Variants in CFAP47 observed in about 807,000 individuals in gnomAD.
CFAP47 encodes cilia and flagella associated protein 47.
Under a neutral mutation model 148.1 loss-of-function variants are expected in CFAP47, and 29 were observed. The observed-to-expected ratio is 0.20, with a 90% CI of 0.15 to 0.27. CFAP47 has a LOEUF of 0.27. Among genes scored for constraint, CFAP47 ranks in the 10% least tolerant of loss-of-function variants. The probability of loss-of-function intolerance (pLI) is 1.00; values close to 1 mark genes in which losing one functional copy is unlikely to be tolerated. For synonymous variants in CFAP47, 664 were observed against 577.3 expected (o/e 1.15, Z -2.15); for missense variants, 1,872 against 1,697.5 (o/e 1.10, Z -1.81).
At chrX:36,371,727 C>CATGTGTAT (rs1569329267) in intron 62 of CFAP47, among the ~76,000 whole-genome samples, 1 of 53,441 alleles carries the variant, frequency 1.9e-5, no homozygotes, top group Non-Finnish European at 3.2e-5. Flanking sequence ...TATATACACA[C>CATGTGTAT]ATGTGTGTAT....
At chrX:35,988,451 T>C (rs1408330968) in intron 15 of CFAP47, among the ~76,000 whole-genome samples, 2 of 111,680 alleles carry the variant, frequency 1.8e-5, no homozygotes, top group Non-Finnish European at 3.8e-5. Context: ...TCATACACTA[T>C]GTTACTCCCC....
intron 56 of CFAP47, among the ~76,000 whole-genome samples, chrX:36,311,285 A>G (rs1411102894): frequency 9.0e-6 from 1 of 110,994 alleles, no homozygotes; most frequent in African/African-American, 3.2e-5. Flanking sequence ...ATATTATTCA[A>G]ATATGCCAAT....
intron 49 of CFAP47, among the ~76,000 whole-genome samples, chrX:36,275,842 GT>G (rs1219692445): frequency 9.0e-6 from 1 of 110,702 alleles, no homozygotes; most frequent in Non-Finnish European, 1.9e-5. Flanking sequence ...TTGTTGGAAG[GT>G]TTTTTATTAC....
chrX:36,353,673 A>G lies in CFAP47; in HGVS notation c.8843A>G (p.Asp2948Gly). The G allele has an allele frequency of 8.7e-7, 1 of 1,152,687 alleles. No homozygotes were observed. The allele number at this position is 1,152,687 out of a possible 1,213,427, so 95.0% of individuals were successfully genotyped here. A position where few individuals can be genotyped will look rare whatever the true frequency, so the allele number is the denominator to read the frequency against. The stretch of plus-strand genomic sequence containing the variant: ...AGAAATTCACATAATTTTTGTGAGG[A>G]TCCCAATGGTAAGAGAACTACGGTT... ...PKRNSHNFCEDPNEIPKIHEF... is the reference protein window; with the variant it reads ...PKRNSHNFCEGPNEIPKIHEF... Residue 2948 changes from aspartate to glycine, a missense_variant, in exon 60 of 64, where the codon GAT becomes GGT. Physicochemically the swap from Asp to Gly is moderately conservative, Grantham distance 94 (BLOSUM62 -1). Transcript: ENST00000378653.
intron 4 of CFAP47, among the ~76,000 whole-genome samples, chrX:35,949,420 C>T (rs1936132154): frequency 9.0e-6 from 1 of 110,741 alleles, no homozygotes; most frequent in Non-Finnish European, 1.9e-5. Context: ...TACAGTAAAG[C>T]AAGAGGAAAA....
chrX:36,077,769 G>A (rs1937893200), intron 29 of CFAP47, among the ~76,000 whole-genome samples: 1 of 111,600 alleles, frequency 9.0e-6, no homozygotes, highest in African/African-American at 3.3e-5. Flanking sequence ...GCTCATACCT[G>A]TAATTCCAGC....
chrX:36,173,514 G>A (rs193242842), intron 39 of CFAP47, among the ~76,000 whole-genome samples: 21 of 111,050 alleles, frequency 1.9e-4, no homozygotes, highest in East Asian at 5.6e-4. Context: ...TGTTCTCGTC[G>A]GTTTCAAAGA....
At chrX:35,941,974 T>C (rs763612187) in intron 3 of CFAP47, among the ~76,000 whole-genome samples, 11 of 111,002 alleles carry the variant, frequency 9.9e-5, no homozygotes, top group Non-Finnish European at 1.9e-4. Flanking sequence ...ATTTAATTAT[T>C]TCCAGGGATT....
At chrX:36,141,264 G>C (rs1939135213) in intron 35 of CFAP47, among the ~76,000 whole-genome samples, 1 of 110,587 alleles carries the variant, frequency 9.0e-6, no homozygotes, top group Non-Finnish European at 1.9e-5. Context: ...GAAGCCAATG[G>C]TGCAGCCCCT....
intron 45 of CFAP47, among the ~76,000 whole-genome samples, chrX:36,217,435 C>G (rs1277129457): frequency 4.5e-5 from 5 of 110,830 alleles, no homozygotes; most frequent in Non-Finnish European, 9.4e-5. Context: ...CCAGCCTTAC[C>G]CATTTCTTCT....
intron 60 of CFAP47, among the ~76,000 whole-genome samples, chrX:36,356,774 A>C (rs1384923612): frequency 9.0e-6 from 1 of 111,581 alleles, no homozygotes; most frequent in Non-Finnish European, 1.9e-5. Flanking sequence ...TTCTAGTGGA[A>C]ATTAAAGCAC....
rs181284100 is a variant in CFAP47, at chrX:36,074,628, A to G, written c.4691+1264A>G. ...TTTTCAAATTTTTGAACAAATTGCA[A>G]TCATATATAATTATACGGTACACAG... is the stretch of plus-strand genomic sequence containing the variant. On this transcript the variant is annotated intron_variant, in intron 29 of 63. Transcript: ENST00000378653. Among the ~76,000 whole-genome samples the G allele has an allele frequency of 1.0e-3, 115 of 111,784 alleles. 1 individual carries two copies. Among genetic ancestry groups the G allele is most frequent in the Non-Finnish European group, 1.9e-3 (101 of 53,143 alleles).
chrX:36,013,599 T>C (rs1005948662), intron 21 of CFAP47, among the ~76,000 whole-genome samples: 1 of 110,978 alleles, frequency 9.0e-6, no homozygotes, highest in Non-Finnish European at 1.9e-5. Flanking sequence ...GGTTAATGGG[T>C]ACAAAAACAT....
intron 49 of CFAP47, among the ~76,000 whole-genome samples, chrX:36,270,698 A>T (rs936406172): frequency 9.5e-6 from 1 of 105,069 alleles, no homozygotes; most frequent in South Asian, 3.9e-4. Context: ...CCTTTATCAG[A>T]TACATATTTT....
intron 45 of CFAP47, among the ~76,000 whole-genome samples, chrX:36,213,146 T>C (rs924367817): frequency 4.5e-5 from 5 of 111,609 alleles, no homozygotes; most frequent in African/African-American, 1.6e-4. Flanking sequence ...CCTATTTCTC[T>C]CTTTAATTCT....
At chrX:36,119,362 T>C (rs7878945) in intron 33 of CFAP47, among the ~76,000 whole-genome samples, 11,776 of 111,801 alleles carry the variant, frequency 0.11, 1,220 homozygotes, top group African/African-American at 0.32. Context: ...TGTATCACAT[T>C]TGTTGATTTG....
chrX:35,951,985 T>C, intron 6 of CFAP47, 22 bp downstream of exon 6: 1 of 1,141,968 alleles, frequency 8.8e-7, no homozygotes, highest in East Asian at 3.3e-5. Context: ...TTAATTTCAT[T>C]GTAATGTTAA....
Position 36,285,457 on chromosome X carries a change from A to T in CFAP47, c.7589-172A>T, listed in dbSNP as rs138639720. Among the ~76,000 whole-genome samples, 679 of 111,875 alleles carry T rather than the reference A, an allele frequency of 6.1e-3. 8 individuals carry two copies. The highest frequency in any genetic ancestry group is 0.02 in the African/African-American group (628 of 30,905). ...GCCATGCAAGGATGGAGCTTCTCTT[A>T]TTCCTCACTAACTGTGATAAAAACA... On this transcript the variant is annotated intron_variant, in intron 50 of 63. Transcript: ENST00000378653.
At chrX:36,159,877 T>C (rs1354603975) in intron 38 of CFAP47, among the ~76,000 whole-genome samples, 1 of 111,907 alleles carries the variant, frequency 8.9e-6, no homozygotes, top group Non-Finnish European at 1.9e-5. Context: ...ATGCTGGCAT[T>C]TATTGAGAGG....
Sources: allele counts gnomAD v4.1 joint callset (sites outside exome capture counted in the v4.1 genomes callset), GRCh38; gene constraint gnomAD v4.1.1; transcripts MANE v1.5; gene names NCBI Gene and HGNC (gene_info 2026-07-23, HGNC 2026-07-21).